SCRIB: variants seen among roughly 807,000 people sequenced by gnomAD.
SCRIB encodes the protein protein scribble homolog.
A neutral mutation model predicts 170.0 loss-of-function variants in SCRIB; 72 were observed. The observed-to-expected ratio is 0.42, with a 90% CI of 0.35 to 0.52. The LOEUF is 0.52. SCRIB is among the 20% of genes least tolerant of loss of function. The probability of loss-of-function intolerance (pLI) is 0.02; values close to 1 mark genes in which losing one functional copy is unlikely to be tolerated. For synonymous variants in SCRIB, 1,298 were observed against 1,044.3 expected, an observed-to-expected ratio of 1.24 and a Z score of -4.68; for missense variants, 2,475 against 2,338.5, an observed-to-expected ratio of 1.06 and a Z score of -1.20.
At chr8:143,806,298 TG>T (rs1214954618) in intron 18 of SCRIB, 108 bp downstream of exon 18, 5 of 850,200 alleles carry the variant, frequency 5.9e-6, no homozygotes, top group African/African-American at 3.4e-5. Context: ...GTCCTGTGCT[TG>T]GAACTCTTGG....
chr8:143,805,331 C>T lies in SCRIB; in HGVS notation c.2451G>A (p.Val817=). 6.5e-7 allele frequency: 1 copy of T among 1,544,024 alleles called. No homozygotes were observed. Among genetic ancestry groups the T allele is most frequent in the Non-Finnish European group, 8.7e-7 (1 of 1,150,412 alleles). ...TGATGGTGACCGCGTTCTCAGGCTC[C>T]ACCATGCGCTCCCGCCACACTCGCA... ...VQMRVWRERM[V]EPENAVTITP... is the part of the protein sequence containing the mutation. The change falls in exon 19 of 37, where the codon GTG becomes GTA. Residue 817 remains valine (V), a synonymous_variant. Transcript: ENST00000356994.
chr8:143,809,792 G>A (rs773593043), intron 13 of SCRIB, 74 bp from the exon 14 acceptor site: 41 of 1,536,796 alleles, frequency 2.7e-5, no homozygotes, highest in South Asian at 9.2e-5. Context: ...TGCCCCCCAC[G>A]TGGCAGGCCT....
rs1554635983 is a variant in SCRIB at position 143,804,804 on chromosome 8, C to G, written c.2773G>C (p.Glu925Gln). 1 of 1,593,658 alleles carries G rather than the reference C, an allele frequency of 6.3e-7. No individual in the cohort carries two copies. The highest frequency in any genetic ancestry group is 2.3e-5 in the East Asian group (1 of 44,346). ...VLSINGVDVT[E>Q]ARHDHAVSLL... ...GAGACGGCGTGGTCATGCCTGGCCT[C>G]AGTCACGTCCACTCCATTAATCTGT... Residue 925 changes from glutamate to glutamine, a missense_variant, in exon 21 of 37, where the codon GAG becomes CAG. Glu to Gln is a conservative substitution (Grantham distance 29). Coordinates refer to ENST00000356994, the MANE Select transcript of SCRIB (RefSeq NM_182706.5).
chr8:143,812,132 A>G (rs749770904), intron 9 of SCRIB, 134 bp downstream of exon 9: 2 of 737,510 alleles, frequency 2.7e-6, no homozygotes, highest in Non-Finnish European at 5.0e-6. Context: ...CTCTGACAAG[A>G]GAAGAGCCCT....
chr8:143,807,711 G>A (rs1022224294), intron 15 of SCRIB, 97 bp from the exon 16 acceptor site: 46 of 991,888 alleles, frequency 4.6e-5, no homozygotes, highest in Admixed American at 1.0e-4. Context: ...AAGGACAGAG[G>A]AGACCACAGC....
chr8:143,802,713 G>A (rs749612279), intron 24 of SCRIB, among the ~76,000 whole-genome samples: 64 of 152,374 alleles, frequency 4.2e-4, no homozygotes, highest in East Asian at 1.4e-3. Flanking sequence ...GAAGACGGAA[G>A]GGAGATGGGA....
Position 143,795,421 on chromosome 8 carries a change from T to A in SCRIB, c.3713A>T (p.Lys1238Met), listed in dbSNP as rs1312431120. The change falls in exon 25 of 37, where the codon AAG becomes ATG. Residue 1238 changes from lysine (K) to methionine (M), a missense_variant and splice_region_variant. Physicochemically the swap from Lys to Met is moderately conservative, Grantham distance 95. Around this residue, in one of 3 missense-constraint regions of SCRIB, gnomAD observed 1,966 missense variants for 1,742.9 expected, o/e 1.13. Coordinates refer to ENST00000356994, the MANE Select transcript of SCRIB (RefSeq NM_182706.5). ...DRELSPEGPG[K>M]EKELPGQTLH... Reference sequence around the variant, plus strand: ...CTGCCGGCTGCAGGCACCTCTGACCTTGCCTGGGCCCTCAGGGCTCAGCTC... The same window carrying A: ...CTGCCGGCTGCAGGCACCTCTGACCATGCCTGGGCCCTCAGGGCTCAGCTC... The A allele has an allele frequency of 6.2e-7, 1 of 1,612,876 alleles. No homozygotes were observed. The highest frequency in any genetic ancestry group is 8.5e-7 in the Non-Finnish European group (1 of 1,179,664).
At chr8:143,793,396 A>T in intron 28 of SCRIB, 3 of 259,246 alleles carry the variant, frequency 1.2e-5, no homozygotes, top group Non-Finnish European at 2.2e-5. Context: ...CAGGGGTTTA[A>T]GGCAAGGGAC....
chr8:143,812,035 C>T (rs949286448), intron 9 of SCRIB, among the ~76,000 whole-genome samples: 2 of 152,312 alleles, frequency 1.3e-5, no homozygotes, highest in South Asian at 2.1e-4. Flanking sequence ...CAGCGATAAA[C>T]ACGAGACCTA....
intron 27 of SCRIB, among the ~76,000 whole-genome samples, chr8:143,794,603 G>A (rs1194410055): frequency 1.3e-5 from 2 of 152,006 alleles, no homozygotes; most frequent in Admixed American, 6.5e-5. Context: ...TCTCTAAGGG[G>A]AGGGATGGGC....
Position 143,803,731 on chromosome 8 carries a change from C to T in SCRIB, c.3330G>A (p.Arg1110=). 6.3e-7 allele frequency: 1 copy of T among 1,597,206 alleles called. No individual in the cohort carries two copies. Among genetic ancestry groups the T allele is most frequent in the Non-Finnish European group, 8.5e-7 (1 of 1,177,606 alleles). The change falls in exon 23 of 37, where the codon AGG becomes AGA. Residue 1110 remains arginine, a synonymous_variant. Coordinates refer to ENST00000356994, the MANE Select transcript of SCRIB (RefSeq NM_182706.5). The stretch of plus-strand genomic sequence containing the variant: ...CACCCCCGCGGATGCTGATGCCCAG[C>T]CTCTCCCCAGGTGCCTTCTGGATGC... ...ELCIQKAPGE[R]LGISIRGGAR...
At chr8:143,795,381 TC>T (rs781829273) in intron 25 of SCRIB, 38 bp downstream of exon 25, 5 of 1,612,402 alleles carry the variant, frequency 3.1e-6, no homozygotes, top group Non-Finnish European at 4.2e-6. Context: ...GGCCTCGGGC[TC>T]CCTGGCCCTG....
chr8:143,794,056 C>T, intron 27 of SCRIB, 94 bp from the exon 28 acceptor site: 3 of 1,212,212 alleles, frequency 2.5e-6, no homozygotes, highest in East Asian at 2.5e-5. Flanking sequence ...CTAAAAGCCA[C>T]AGCAGCTCTT....
In SCRIB at chr8:143,813,987, C is replaced by G. The variant is rs758481126; in HGVS notation, c.277+14G>C. On this transcript the variant is annotated intron_variant, in intron 2 of 36. Coordinates refer to ENST00000356994, the MANE Select transcript of SCRIB (RefSeq NM_182706.5). ...CTCCCCAGACCCCACCCAGCCCCTG[C>G]CCAGGCTCCCCACCGTTCCGGGACA... 13 of 1,568,694 alleles carry G rather than the reference C, an allele frequency of 8.3e-6. No homozygotes were observed. The highest frequency in any genetic ancestry group is 1.1e-5 in the Non-Finnish European group (13 of 1,154,452).
intron 27 of SCRIB, 84 bp from the exon 28 acceptor site, chr8:143,794,046 C>T: frequency 3.0e-6 from 4 of 1,319,098 alleles, no homozygotes; most frequent in South Asian, 1.3e-5. Flanking sequence ...TGGGGCTTGC[C>T]TAAAAGCCAC....
rs782183755 is a variant in SCRIB at position 143,804,150 on chromosome 8, G to C, written c.3016C>G (p.Arg1006Gly). ...LEGPYPVEEI[R>G]LPRAGGPLGL... The stretch of plus-strand genomic sequence containing the variant: ...AGAGGGCCCCCAGCTCTTGGCAGAC[G>C]GATCTCCTGGGGATTTAGGGCGGGA... Residue 1006 changes from arginine (R) to glycine (G), a missense_variant, in exon 22 of 37, where the codon CGT (arginine) becomes GGT (glycine). Around this residue, in one of 3 missense-constraint regions of SCRIB, gnomAD observed 1,966 missense variants for 1,742.9 expected, o/e 1.13. Transcript: ENST00000356994. The C allele has an allele frequency of 1.9e-6, 3 of 1,606,832 alleles. No individual in the cohort carries two copies. The Admixed American group carries it at 5.1e-5, about 27-fold the overall frequency.
chr8:143,796,218 G>C (rs1266626429), intron 24 of SCRIB, among the ~76,000 whole-genome samples: 1 of 152,180 alleles, frequency 6.6e-6, no homozygotes, highest in Non-Finnish European at 1.5e-5. Context: ...GGGAACCATG[G>C]GAAGAGCTGA....
Position 143,813,098 on chromosome 8 carries a change from T to G in SCRIB, c.574A>C (p.Thr192Pro). 1.3e-6 allele frequency: 2 copies of G among 1,576,156 alleles called. No individual in the cohort carries two copies. Among genetic ancestry groups the G allele is most frequent in the South Asian group, 1.1e-5 (1 of 87,958 alleles). Residue 192 changes from threonine to proline, a missense_variant, in exon 7 of 37, where the codon ACT becomes CCT. Transcript: ENST00000356994. ...GGNDLEVLPD[T>P]LGALPNLREL... ...CGAAGATTGGGCAGAGCCCCCAGAG[T>G]GTCTGGCTGCAAGAAGGAACAGAGA...
Position 143,794,013 on chromosome 8 carries a change from C to T in SCRIB, c.3847-51G>A, listed in dbSNP as rs371445412. 2.5e-5 allele frequency: 39 copies of T among 1,572,126 alleles called. 1 individual carries two copies. The South Asian group carries it at 2.8e-4, about 11-fold the overall frequency. ...TGAGGATGGGCAGGGCTGTGGCCCC[C>T]GACCAGGAGGGACTGGGGGCCCTGG... On this transcript the variant is annotated intron_variant, in intron 27 of 36. Transcript: ENST00000356994.
Sources: gnomAD v4.1 joint callset for allele counts (sites outside exome capture counted in the v4.1 genomes callset) on GRCh38, gnomAD v4.1.1 for gene constraint, gnomAD v4.1.1 regional missense constraint, MANE v1.5 for transcripts, NCBI Gene and HGNC (gene_info 2026-07-23, HGNC 2026-07-21) for gene names.